Variants in TMEM165 observed in about 807,000 individuals in gnomAD.
TMEM165 encodes the protein putative divalent cation/proton antiporter TMEM165.
A neutral mutation model predicts 30.0 loss-of-function variants in TMEM165; 19 were observed. The observed-to-expected ratio is 0.63, with a 90% CI of 0.44 to 0.93. TMEM165 has a LOEUF of 0.93. Ranked by LOEUF, TMEM165 falls within the 40% of genes least tolerant of loss-of-function variation. The pLI, the probability that TMEM165 is intolerant of heterozygous loss-of-function variation, is 0.00. For synonymous variants in TMEM165, 168 were observed against 162.9 expected, an observed-to-expected ratio of 1.03 and a Z score of -0.24; for missense variants, 340 against 417.0, an observed-to-expected ratio of 0.82 and a Z score of 1.61.
At chr4:55,400,272 A>AATATAATATTATATATTATATAATATTAT (rs1720912724) in intron 1 of TMEM165, among the ~76,000 whole-genome samples, 1 of 83,174 alleles carries the variant, frequency 1.2e-5, no homozygotes, top group Middle Eastern at 5.7e-3. Flanking sequence ...TATAATATAT[A>AATATAATATTATATATTATATAATATTAT]ATATAATATT....
At position 55,419,598 on chromosome 4, in the gene TMEM165, A is replaced by G. The variant is rs146441360; in HGVS notation, c.792+1613A>G. ...GAGGCGCCTGTCATTGTTCACACAGATTTATTAAGATTTCATGTGGAGACG... is the reference window on the plus strand; with the variant it reads ...GAGGCGCCTGTCATTGTTCACACAGGTTTATTAAGATTTCATGTGGAGACG... On this transcript the variant is annotated intron_variant, in intron 4 of 5. Transcript: ENST00000381334. Among the ~76,000 whole-genome samples the G allele has an allele frequency of 6.0e-3, 920 of 152,206 alleles. 14 individuals are homozygous for G. Among genetic ancestry groups the G allele is most frequent in the African/African-American group, 0.021 (857 of 41,542 alleles).
chr4:55,415,150 C>G (rs1721670856), intron 2 of TMEM165: 3 of 152,158 alleles, frequency 2.0e-5, no homozygotes, highest in Admixed American at 2.0e-4. Context: ...GCTTTTAATT[C>G]TAATACTTCT....
intron 4 of TMEM165, among the ~76,000 whole-genome samples, chr4:55,418,612 G>C (rs533295203): frequency 6.6e-4 from 100 of 152,118 alleles, no homozygotes; most frequent in African/African-American, 2.3e-3. Context: ...TTGTAACTTA[G>C]TAAAAATTTA....
chr4:55,443,825 A>G (rs3736544), intron 3 of TMEM165: 1,071,749 of 1,613,442 alleles, frequency 0.66, 358,738 homozygotes, highest in South Asian at 0.81. Context: ...GTTGCTGGAT[A>G]TTAGATGAAT....
chr4:55,399,896 G>T (rs1720880283), intron 1 of TMEM165, among the ~76,000 whole-genome samples: 1 of 151,056 alleles, frequency 6.6e-6, no homozygotes, highest in African/African-American at 2.4e-5. Flanking sequence ...AATATAATAT[G>T]ATTTTTCCGT....
intron 1 of TMEM165, among the ~76,000 whole-genome samples, chr4:55,399,938 TTTAG>T (rs1331020792): frequency 1.3e-5 from 2 of 151,082 alleles, no homozygotes; most frequent in Non-Finnish European, 2.9e-5. Flanking sequence ...GGTGATTCAT[TTTAG>T]TTAGGCATTT....
At chr4:55,442,345 T>TA (rs1007365228) in intron 3 of TMEM165, 1 of 1,197,730 alleles carries the variant, frequency 8.3e-7, no homozygotes, top group Non-Finnish European at 1.2e-6. Flanking sequence ...AAAATCACAT[T>TA]AAAAAATTTG....
At chr4:55,438,840 A>C (rs1475491867) in intron 3 of TMEM165, among the ~76,000 whole-genome samples, 2 of 152,230 alleles carry the variant, frequency 1.3e-5, no homozygotes, top group Non-Finnish European at 2.9e-5. Context: ...CTTGAAATGG[A>C]CCAAAGACCA....
Position 55,425,554 on chromosome 4 carries a change from G to A in TMEM165, c.*102G>A, listed in dbSNP as rs1722161055. 2.2e-6 allele frequency: 2 copies of A among 898,856 alleles called. No homozygotes were observed. The highest frequency in any genetic ancestry group is 2.6e-5 in the East Asian group (1 of 38,856). The allele number at this position is 898,856 out of a possible 1,614,324, so 55.7% of individuals were successfully genotyped here. ...AAGTGATGGAAAAATACTGTATTTT[G>A]TAGCACTGATTTTGTGAGTTTGACC... On this transcript the variant is annotated 3_prime_UTR_variant, in exon 6 of 6. Coordinates refer to ENST00000381334, the MANE Select transcript of TMEM165 (RefSeq NM_018475.5).
chr4:55,439,321 T>C (rs927624134), intron 3 of TMEM165, among the ~76,000 whole-genome samples: 8 of 152,166 alleles, frequency 5.3e-5, no homozygotes, highest in Non-Finnish European at 1.2e-4. Flanking sequence ...GAGGCTACTT[T>C]ATACCCATCA....
Position 55,444,229 on chromosome 4 carries a change from G to C in TMEM165, c.409-8010G>C, listed in dbSNP as rs546530042. On this transcript the variant is annotated intron_variant, in intron 3 of 3. Transcript: ENST00000608091. Reference sequence around the variant, plus strand: ...CCTTTACCAAAGTCATAGTCTCCTAGAGTGGTCCTGCTGGTTGGTCATATA... The same window carrying C: ...CCTTTACCAAAGTCATAGTCTCCTACAGTGGTCCTGCTGGTTGGTCATATA... Among the ~76,000 whole-genome samples, 9 of 152,256 alleles carry C rather than the reference G, an allele frequency of 5.9e-5. No individual in the cohort carries two copies. The East Asian group carries it at 1.7e-3, about 29-fold the overall frequency.
chr4:55,398,215 G>GAAT (rs1163458012), intron 1 of TMEM165, among the ~76,000 whole-genome samples: 6 of 152,208 alleles, frequency 3.9e-5, no homozygotes, highest in African/African-American at 1.4e-4. Context: ...GAGAAATAAT[G>GAAT]AAGTTCCCCT....
chr4:55,444,300 C>G (rs1421953421), intron 3 of TMEM165, among the ~76,000 whole-genome samples: 2 of 152,090 alleles, frequency 1.3e-5, no homozygotes, highest in African/African-American at 4.8e-5. Flanking sequence ...AAAAATATTA[C>G]TGATGATTGA....
At chr4:55,426,959 A>AACTC (rs1722229140), downstream of TMEM165, among the ~76,000 whole-genome samples, 1 of 152,164 alleles carries the variant, frequency 6.6e-6, no homozygotes, top group Admixed American at 6.5e-5. Context: ...GATTAAGATA[A>AACTC]ACTCTGTGGT....
intron 4 of TMEM165, among the ~76,000 whole-genome samples, chr4:55,422,677 C>T (rs959820836): frequency 6.6e-6 from 1 of 151,862 alleles, no homozygotes; most frequent in African/African-American, 2.4e-5. Flanking sequence ...GAGATGGAGT[C>T]TCACTCTGTC....
At chr4:55,410,403 C>A (rs1056159974) in intron 1 of TMEM165, among the ~76,000 whole-genome samples, 8 of 152,132 alleles carry the variant, frequency 5.3e-5, no homozygotes, top group African/African-American at 1.9e-4. Flanking sequence ...TTGTCTTTTT[C>A]ATTAGGCCAC....
intron 3 of TMEM165, chr4:55,433,154 C>G (rs1722633567): frequency 6.6e-6 from 1 of 152,628 alleles, no homozygotes; most frequent in Non-Finnish European, 1.5e-5. Context: ...AAGAACAATG[C>G]TATTGCCATA....
chr4:55,413,699 A>G (rs1158586391), intron 2 of TMEM165, among the ~76,000 whole-genome samples: 1 of 152,244 alleles, frequency 6.6e-6, no homozygotes, highest in African/African-American at 2.4e-5. Flanking sequence ...TAGTATGAAG[A>G]ACACTTATAT....
At chr4:55,414,068 G>T (rs959222564) in intron 2 of TMEM165, among the ~76,000 whole-genome samples, 1 of 151,970 alleles carries the variant, frequency 6.6e-6, no homozygotes, top group Admixed American at 6.6e-5. Context: ...GGAGATCGAG[G>T]CCATCCTGGC....
Sources: allele counts gnomAD v4.1 joint callset (sites outside exome capture counted in the v4.1 genomes callset), GRCh38; gene constraint gnomAD v4.1.1; transcripts MANE v1.5; gene names NCBI Gene and HGNC (gene_info 2026-07-23, HGNC 2026-07-21).